Variants in ZNG1A observed in about 807,000 individuals in gnomAD.
ZNG1A encodes Zn regulated GTPase metalloprotein activator 1A, also known as zinc-regulated GTPase metalloprotein activator 1A.
chr9:158,807 C>T, the ZNG1A span, among the ~76,000 whole-genome samples: 26 of 151,814 alleles, frequency 1.7e-4, no homozygotes, highest in Admixed American at 5.3e-4. Context: ...GATAAATGTC[C>T]TCTTCTATGC....
chr9:122,535 C>T, the ZNG1A span: 1 of 1,034,722 alleles, frequency 9.7e-7, no homozygotes, highest in Non-Finnish European at 1.2e-6. Context: ...AATCAATGAA[C>T]AATGATGAAA....
the ZNG1A span, chr9:147,475 A>G: frequency 8.2e-6 from 1 of 121,300 alleles, no homozygotes; most frequent in Non-Finnish European, 1.6e-5. Context: ...ACTCGTGGCA[A>G]CAATACTGTG....
chr9:167,243 AATAG>A, the ZNG1A span: 2 of 151,072 alleles, frequency 1.3e-5, no homozygotes, highest in East Asian at 3.9e-4. Flanking sequence ...GAACGAAAGC[AATAG>A]ACAGACATTC....
the ZNG1A span, among the ~76,000 whole-genome samples, chr9:137,482 A>C: frequency 6.6e-6 from 1 of 152,130 alleles, no homozygotes; most frequent in South Asian, 2.1e-4. Flanking sequence ...CCACAGCATC[A>C]AATTAAAAAT....
chr9:149,025 TCA>T, the ZNG1A span: 1 of 149,570 alleles, frequency 6.7e-6, no homozygotes, highest in East Asian at 1.9e-4. Context: ...CAATGATAGC[TCA>T]GTCTTGAACT....
chr9:172,396 T>C, the ZNG1A span: 1 of 452,120 alleles, frequency 2.2e-6, no homozygotes, highest in Non-Finnish European at 4.0e-6. Context: ...ATATACATAA[T>C]ACTTTATCAA....
chr9:169,743 C>G, the ZNG1A span, among the ~76,000 whole-genome samples: 1 of 150,162 alleles, frequency 6.7e-6, no homozygotes, highest in African/African-American at 2.5e-5. Flanking sequence ...TTGCTGAAAG[C>G]TGAGATGATT....
the ZNG1A span, among the ~76,000 whole-genome samples, chr9:141,402 A>C: frequency 2.0e-5 from 3 of 150,160 alleles, no homozygotes; most frequent in South Asian, 6.5e-4. Flanking sequence ...TTCTGAAAGA[A>C]AAGAATTTTC....
chr9:172,284 T>C, the ZNG1A span: 6 of 1,405,488 alleles, frequency 4.3e-6, no homozygotes, highest in Non-Finnish European at 2.0e-6. Flanking sequence ...CCCTTGGGAA[T>C]GTGAAAATTT....
the ZNG1A span, among the ~76,000 whole-genome samples, chr9:165,340 A>G: frequency 2.5e-4 from 38 of 150,698 alleles, no homozygotes; most frequent in Admixed American, 2.3e-3. Context: ...TTATTCCAAT[A>G]AATAGTTTAC....
the ZNG1A span, among the ~76,000 whole-genome samples, chr9:129,065 C>T: frequency 6.6e-6 from 1 of 151,196 alleles, no homozygotes; most frequent in Admixed American, 6.6e-5. Flanking sequence ...ATACCAGCAC[C>T]TGTTCCAGTG....
the ZNG1A span, among the ~76,000 whole-genome samples, chr9:135,813 T>C: frequency 5.4e-5 from 6 of 111,230 alleles, no homozygotes; most frequent in African/African-American, 1.4e-4. Context: ...CTTTGGGGGG[T>C]CCTAGTAGGG....
chr9:125,220 A>AT, the ZNG1A span, among the ~76,000 whole-genome samples: 12 of 150,858 alleles, frequency 8.0e-5, no homozygotes, highest in South Asian at 1.3e-3. Flanking sequence ...AACATCTACT[A>AT]TTTTTTTGAT....
At chr9:129,908 T>C in the ZNG1A span, among the ~76,000 whole-genome samples, 2 of 150,280 alleles carry the variant, frequency 1.3e-5, no homozygotes, top group Non-Finnish European at 2.9e-5. Flanking sequence ...AACATGATAG[T>C]GCACTTACAC....
chr9:177,528 C>G, the ZNG1A span, among the ~76,000 whole-genome samples: 1,430 of 151,106 alleles, frequency 9.5e-3, 19 homozygotes, highest in African/African-American at 0.033. Flanking sequence ...GAGGAGGGAG[C>G]CTTAAAAAGA....
the ZNG1A span, among the ~76,000 whole-genome samples, chr9:170,528 G>C: frequency 6.6e-6 from 1 of 150,520 alleles, no homozygotes; most frequent in African/African-American, 2.5e-5. Context: ...CTGGGATTAT[G>C]GGGTGCGCCA....
chr9:155,315 G>A, the ZNG1A span, among the ~76,000 whole-genome samples: 1 of 150,582 alleles, frequency 6.6e-6, no homozygotes, highest in South Asian at 2.1e-4. Flanking sequence ...AGCTGGGCAT[G>A]GTAGAGCACA....
the ZNG1A span, among the ~76,000 whole-genome samples, chr9:158,617 T>A: frequency 6.6e-5 from 10 of 150,672 alleles, no homozygotes; most frequent in Non-Finnish European, 1.3e-4. Flanking sequence ...TGCATTTACC[T>A]CTCCAAAATA....
At chr9:175,165 G>T in the ZNG1A span, among the ~76,000 whole-genome samples, 1 of 152,122 alleles carries the variant, frequency 6.6e-6, no homozygotes, top group Non-Finnish European at 1.5e-5. Context: ...GGATCACAAG[G>T]CCAGGAGCTC....
Sources: gnomAD v4.1 joint callset for allele counts (sites outside exome capture counted in the v4.1 genomes callset) on GRCh38, gnomAD v4.1.1 for gene constraint, MANE v1.5 for transcripts, NCBI Gene and HGNC (gene_info 2026-07-23, HGNC 2026-07-21) for gene names.